The following GRID1 variants were observed in gnomAD, a reference collection of about 807,000 sequenced individuals.
GRID1 encodes the protein glutamate receptor ionotropic, delta-1.
In GRID1, 28 loss-of-function variants were observed where a neutral mutation model predicts 98.0. That is an observed-to-expected ratio of 0.29 (90% CI 0.21 to 0.39). The LOEUF (loss-of-function observed/expected upper bound fraction) is 0.39, where lower values mean the gene tolerates loss of function less well. GRID1 is among the 10% of genes least tolerant of loss of function. GRID1 has a pLI of 1.00. For missense variants in GRID1, 1,111 were observed against 1,340.5 expected (o/e 0.83, Z 2.67); for synonymous variants, 553 against 538.5 (o/e 1.03, Z -0.37).
chr10:86,350,386 G>T (rs1034671092), intron 2 of GRID1, among the ~76,000 whole-genome samples: 1 of 152,216 alleles, frequency 6.6e-6, no homozygotes, highest in African/African-American at 2.4e-5. Flanking sequence ...GAGGCAGGGG[G>T]ACACGGGGAA....
intron 4 of GRID1, among the ~76,000 whole-genome samples, chr10:85,997,557 T>A (rs1346641402): frequency 1.3e-5 from 2 of 152,070 alleles, no homozygotes; most frequent in Admixed American, 6.5e-5. Flanking sequence ...TCCAAAGCAA[T>A]ATTATAAAAA....
At position 85,749,098 on chromosome 10, in the gene GRID1, T is replaced by G. The variant is rs557063644; in HGVS notation, c.1234-19484A>C. Among the ~76,000 whole-genome samples, 5 of 152,304 alleles carry G rather than the reference T, an allele frequency of 3.3e-5. No homozygotes were observed. The East Asian group carries it at 9.7e-4, about 29-fold the overall frequency. On this transcript the variant is annotated intron_variant, in intron 8 of 15. Coordinates refer to ENST00000327946, the MANE Select transcript of GRID1 (RefSeq NM_017551.3). The stretch of plus-strand genomic sequence containing the variant: ...CACTGAAACTGCTTTGTAACAGATA[T>G]CCCTATTTTTACTCGGGCCTCAAGG...
At chr10:85,707,067 C>T (rs1027140454) in intron 12 of GRID1, among the ~76,000 whole-genome samples, 1 of 152,168 alleles carries the variant, frequency 6.6e-6, no homozygotes, top group Admixed American at 6.5e-5. Flanking sequence ...GACTTCATGT[C>T]TAAAACACCA....
intron 4 of GRID1, among the ~76,000 whole-genome samples, chr10:86,058,306 G>T (rs969443376): frequency 6.6e-6 from 1 of 152,160 alleles, no homozygotes; most frequent in African/African-American, 2.4e-5. Context: ...AGTTGGTTTG[G>T]ATGGTTCCGG....
intron 2 of GRID1, among the ~76,000 whole-genome samples, chr10:86,343,091 A>G (rs1030244655): frequency 2.0e-4 from 30 of 152,254 alleles, no homozygotes; most frequent in Non-Finnish European, 4.0e-4. Context: ...ACTCTCCATC[A>G]CTTGTGCTCT....
At chr10:86,251,148 A>G (rs1846822566) in intron 2 of GRID1, among the ~76,000 whole-genome samples, 1 of 152,042 alleles carries the variant, frequency 6.6e-6, no homozygotes, top group Admixed American at 6.5e-5. Flanking sequence ...AAAGCAGCAT[A>G]CTCGTTAAGA....
At chr10:86,165,148 G>GA (rs140674947) in intron 3 of GRID1, among the ~76,000 whole-genome samples, 26 of 150,376 alleles carry the variant, frequency 1.7e-4, no homozygotes, top group East Asian at 9.8e-4. Context: ...ACCAATAGAG[G>GA]AAAAAAAAAA....
intron 4 of GRID1, among the ~76,000 whole-genome samples, chr10:86,078,576 T>C (rs116887485): frequency 0.014 from 2,108 of 152,320 alleles, 23 homozygotes; most frequent in Middle Eastern, 0.031. Context: ...CTCAAAAGCC[T>C]TGCTTCCTGT....
intron 5 of GRID1, among the ~76,000 whole-genome samples, chr10:85,873,205 T>C (rs1843296066): frequency 6.6e-6 from 1 of 152,228 alleles, no homozygotes; most frequent in African/African-American, 2.4e-5. Flanking sequence ...TGTACTACTA[T>C]GAGACACCCC....
At chr10:86,163,545 T>A (rs1404094324) in intron 3 of GRID1, among the ~76,000 whole-genome samples, 1 of 152,192 alleles carries the variant, frequency 6.6e-6, no homozygotes, top group East Asian at 1.9e-4. Flanking sequence ...GATCCTCTGT[T>A]AACACGTCAG....
At position 85,818,981 on chromosome 10, in the gene GRID1, A is replaced by G. The variant is rs563604413; in HGVS notation, c.1233+35515T>C. Reference sequence around the variant, plus strand: ...AGTGATCCGCCCGCCTCAGCCTCCCAAAGTGCTGGGATTACAGGAGTGAGC... The same window carrying G: ...AGTGATCCGCCCGCCTCAGCCTCCCGAAGTGCTGGGATTACAGGAGTGAGC... On this transcript the variant is annotated intron_variant, in intron 8 of 15. Coordinates refer to ENST00000327946, the MANE Select transcript of GRID1 (RefSeq NM_017551.3). 3.3e-5 allele frequency among the ~76,000 whole-genome samples: 5 copies of G among 152,258 alleles called. No homozygotes were observed. In the South Asian group the frequency reaches 1.0e-3, roughly 32 times the overall value.
intron 4 of GRID1, among the ~76,000 whole-genome samples, chr10:86,080,043 C>T (rs1225306488): frequency 3.9e-5 from 6 of 152,160 alleles, no homozygotes; most frequent in South Asian, 2.1e-4. Context: ...TGTTAAGAAA[C>T]GGAGTAAGGG....
rs768414425 is a variant in GRID1, at chr10:86,118,264, A to T, written c.726+20555T>A. Among the ~76,000 whole-genome samples the T allele has an allele frequency of 2.0e-5, 3 of 152,316 alleles. No individual in the cohort carries two copies. The East Asian group carries it at 5.8e-4, about 29-fold the overall frequency. On this transcript the variant is annotated intron_variant, in intron 4 of 15. Coordinates refer to ENST00000327946, the MANE Select transcript of GRID1 (RefSeq NM_017551.3). ...ATCAAACATCGTTATGTTCTCACTC[A>T]TATATGGGAGCTAAGTTATGAGGAT... is the stretch of plus-strand genomic sequence containing the variant.
At chr10:85,634,255 TC>T (rs1843008867) in intron 13 of GRID1, among the ~76,000 whole-genome samples, 3 of 120,708 alleles carry the variant, frequency 2.5e-5, no homozygotes, top group Admixed American at 8.0e-5. Context: ...GGCACCTCTC[TC>T]TCTCTCTCTC....
chr10:85,733,248 G>T (rs1398739989), intron 8 of GRID1, among the ~76,000 whole-genome samples: 1 of 152,132 alleles, frequency 6.6e-6, no homozygotes, highest in Non-Finnish European at 1.5e-5. Context: ...GTCAGCTGTG[G>T]CATTGGGGTT....
intron 8 of GRID1, among the ~76,000 whole-genome samples, chr10:85,754,693 C>A (rs1344440968): frequency 6.6e-6 from 1 of 152,026 alleles, no homozygotes; most frequent in East Asian, 1.9e-4. Context: ...CCTTGACTTA[C>A]ATCCAGTGGG....
intron 3 of GRID1, among the ~76,000 whole-genome samples, chr10:86,149,772 C>T (rs1042298003): frequency 3.3e-5 from 5 of 152,218 alleles, no homozygotes; most frequent in African/African-American, 1.2e-4. Flanking sequence ...AATAATTCTT[C>T]ACCAACTTCT....
chr10:85,977,547 A>G (rs971526962), intron 4 of GRID1, among the ~76,000 whole-genome samples: 2 of 152,226 alleles, frequency 1.3e-5, no homozygotes, highest in Non-Finnish European at 2.9e-5. Context: ...ATTCATAGCT[A>G]TGAAACATTT....
intron 2 of GRID1, among the ~76,000 whole-genome samples, chr10:86,237,130 C>A (rs944066371): frequency 1.3e-5 from 2 of 152,286 alleles, no homozygotes; most frequent in African/African-American, 4.8e-5. Flanking sequence ...TCTCACTACG[C>A]TCCTGGGAGG....
Sources: gnomAD v4.1 joint callset for allele counts (sites outside exome capture counted in the v4.1 genomes callset) on GRCh38, gnomAD v4.1.1 for gene constraint, MANE v1.5 for transcripts, NCBI Gene and HGNC (gene_info 2026-07-23, HGNC 2026-07-21) for gene names.